FANK1: variants seen among roughly 807,000 people sequenced by gnomAD.
FANK1 encodes the protein fibronectin type 3 and ankyrin repeat domains protein 1.
FANK1 carries 44 observed loss-of-function variants against 45.3 expected under a neutral mutation model. The observed-to-expected ratio is 0.97, with a 90% CI of 0.76 to 1.25. The LOEUF (loss-of-function observed/expected upper bound fraction) is 1.25, where lower values mean the gene tolerates loss of function less well. FANK1 is among the 50% of genes most tolerant of loss of function. The probability of loss-of-function intolerance (pLI) is 0.00; values close to 1 mark genes in which losing one functional copy is unlikely to be tolerated. For missense variants in FANK1, 391 were observed against 424.4 expected (o/e 0.92, Z 0.69); for synonymous variants, 149 against 152.5 (o/e 0.98, Z 0.17).
chr10:125,988,257 C>T (rs990446632), intron 2 of FANK1, among the ~76,000 whole-genome samples: 3 of 152,178 alleles, frequency 2.0e-5, no homozygotes, highest in Non-Finnish European at 4.4e-5. Context: ...AACTTTGTTA[C>T]TTGAGGGCAA....
chr10:125,897,020 C>A (rs146873174), intron 1 of FANK1, among the ~76,000 whole-genome samples: 1 of 152,300 alleles, frequency 6.6e-6, no homozygotes, highest in African/African-American at 2.4e-5. Context: ...TAGTTTGGTT[C>A]ATTAATTGTA....
intron 1 of FANK1, among the ~76,000 whole-genome samples, chr10:125,948,298 C>A (rs1194106114): frequency 3.7e-4 from 56 of 152,040 alleles, no homozygotes; most frequent in African/African-American, 1.3e-3. Flanking sequence ...GACACAAAAA[C>A]CCCTTCAAAA....
chr10:125,972,551 A>C (rs377497489), intron 1 of FANK1, among the ~76,000 whole-genome samples: 2 of 152,170 alleles, frequency 1.3e-5, no homozygotes, highest in Non-Finnish European at 2.9e-5. Context: ...ATTTTTTGGC[A>C]TTCTGAAAAT....
chr10:125,943,242 G>C (rs1477798143), intron 1 of FANK1, among the ~76,000 whole-genome samples: 2 of 151,992 alleles, frequency 1.3e-5, no homozygotes, highest in Non-Finnish European at 2.9e-5. Flanking sequence ...TCAGGAATCA[G>C]ACATTTTTCA....
At chr10:125,982,469 G>A (rs10794047) in intron 2 of FANK1, among the ~76,000 whole-genome samples, 60,029 of 152,144 alleles carry the variant, frequency 0.39, 12,030 homozygotes, top group South Asian at 0.46. Flanking sequence ...AAATGCCTGC[G>A]TTTCTCACAG....
intron 1 of FANK1, among the ~76,000 whole-genome samples, chr10:125,918,691 A>G (rs535539282): frequency 8.4e-4 from 125 of 148,550 alleles, no homozygotes; most frequent in Non-Finnish European, 1.4e-3. Context: ...AGTGCTTTAC[A>G]TATATTTCAC....
Position 125,936,734 on chromosome 10 carries a change from G to A in FANK1, c.13+40079G>A, listed in dbSNP as rs1194186441. ...AGCACCATTTATTTATTCCAGTATT[G>A]ATAAACATTTGTATAGTTTCTTGTT... On this transcript the variant is annotated intron_variant, in intron 1 of 10. Coordinates refer to ENST00000368693, the MANE Select transcript of FANK1 (RefSeq NM_145235.5). Among the ~76,000 whole-genome samples, 3 of 152,140 alleles carry A rather than the reference G, an allele frequency of 2.0e-5. No individual in the cohort carries two copies. In the East Asian group the frequency reaches 5.8e-4, roughly 29 times the overall value.
At chr10:126,005,890 A>C (rs1234399066) in intron 7 of FANK1, among the ~76,000 whole-genome samples, 1 of 152,352 alleles carries the variant, frequency 6.6e-6, no homozygotes, top group African/African-American at 2.4e-5. Context: ...GGAAACAGGC[A>C]AGTGGTCTAC....
chr10:125,927,544 C>T (rs1947439906), intron 1 of FANK1, among the ~76,000 whole-genome samples: 1 of 151,908 alleles, frequency 6.6e-6, no homozygotes, highest in Non-Finnish European at 1.5e-5. Flanking sequence ...ATGAGTAATG[C>T]CATTATAAAC....
At chr10:125,906,884 C>T (rs1945568619) in intron 1 of FANK1, among the ~76,000 whole-genome samples, 1 of 152,162 alleles carries the variant, frequency 6.6e-6, no homozygotes. Flanking sequence ...CTGAGATTCT[C>T]CCCTGCAGTT....
At chr10:125,952,784 C>A (rs562647661) in intron 1 of FANK1, among the ~76,000 whole-genome samples, 1 of 146,220 alleles carries the variant, frequency 6.8e-6, no homozygotes, top group African/African-American at 2.5e-5. Flanking sequence ...TGCTGTGGTG[C>A]CCAGCAGGAA....
At chr10:125,937,743 G>A (rs548948729) in intron 1 of FANK1, among the ~76,000 whole-genome samples, 1 of 152,174 alleles carries the variant, frequency 6.6e-6, no homozygotes, top group Admixed American at 6.5e-5. Context: ...ATAGTATATA[G>A]GTTTTGCAAA....
intron 3 of FANK1, chr10:125,988,953 A>T (rs1033946615): frequency 1.8e-6 from 1 of 552,104 alleles, no homozygotes; most frequent in Non-Finnish European, 3.2e-6. Flanking sequence ...TTCTTAGGAA[A>T]TGGGCCACAG....
chr10:125,934,724 G>GGTT (rs1564888158), intron 1 of FANK1, among the ~76,000 whole-genome samples: 1 of 26,418 alleles, frequency 3.8e-5, no homozygotes, highest in Non-Finnish European at 7.3e-5. Context: ...TACCCCTACC[G>GGTT]TTTTTTTTTT....
intron 1 of FANK1, among the ~76,000 whole-genome samples, chr10:125,950,253 A>C (rs1056353650): frequency 4.6e-5 from 7 of 151,534 alleles, no homozygotes; most frequent in Non-Finnish European, 7.4e-5. Context: ...AGCAAAAGCC[A>C]AAATTGACAA....
intron 1 of FANK1, among the ~76,000 whole-genome samples, chr10:125,925,336 A>G (rs1947271992): frequency 6.6e-6 from 1 of 152,226 alleles, no homozygotes; most frequent in African/African-American, 2.4e-5. Context: ...TCATTTATGT[A>G]TGCTTTCAAC....
intron 1 of FANK1, among the ~76,000 whole-genome samples, chr10:125,933,306 TTGC>T (rs1474630206): frequency 1.3e-5 from 2 of 152,190 alleles, no homozygotes; most frequent in African/African-American, 4.8e-5. Context: ...CATTTCAATC[TTGC>T]TGCTCGTTAT....
chr10:125,976,157 T>A (rs1950840208), intron 1 of FANK1, among the ~76,000 whole-genome samples: 2 of 151,770 alleles, frequency 1.3e-5, no homozygotes, highest in South Asian at 4.2e-4. Flanking sequence ...AATATAGGCC[T>A]CTAATCTCTT....
At chr10:125,932,253 TTGATG>T (rs1387060273) in intron 1 of FANK1, among the ~76,000 whole-genome samples, 5 of 152,194 alleles carry the variant, frequency 3.3e-5, no homozygotes, top group Admixed American at 1.3e-4. Flanking sequence ...TGGTGGTATT[TTGATG>T]GGCATTGTGT....
Sources: allele counts gnomAD v4.1 joint callset (sites outside exome capture counted in the v4.1 genomes callset), GRCh38; gene constraint gnomAD v4.1.1; transcripts MANE v1.5; gene names NCBI Gene and HGNC (gene_info 2026-07-23, HGNC 2026-07-21).